PSD3: variants seen among roughly 807,000 people sequenced by gnomAD.
PSD3 encodes PH and SEC7 domain-containing protein 3.
In PSD3, 49 loss-of-function variants were observed where a neutral mutation model predicts 105.5. That is an observed-to-expected ratio of 0.46 (90% CI 0.37 to 0.59). The LOEUF (loss-of-function observed/expected upper bound fraction) is 0.59. PSD3 is among the 20% of genes least tolerant of loss of function. The pLI, the probability that PSD3 is intolerant of heterozygous loss-of-function variation, is 0.00. For synonymous variants in PSD3, 557 were observed against 457.8 expected, an observed-to-expected ratio of 1.22 and a Z score of -2.77; for missense variants, 1,561 against 1,263.8, an observed-to-expected ratio of 1.24 and a Z score of -3.57.
chr8:18,985,225 C>T (rs895801869), intron 1 of PSD3, among the ~76,000 whole-genome samples: 2 of 152,166 alleles, frequency 1.3e-5, no homozygotes, highest in African/African-American at 2.4e-5. Flanking sequence ...TGAGTCACCG[C>T]GCCCGGTCAT....
intron 9 of PSD3, among the ~76,000 whole-genome samples, chr8:18,722,048 T>A (rs896349886): frequency 6.6e-6 from 1 of 152,034 alleles, no homozygotes; most frequent in African/African-American, 2.4e-5. Context: ...ACATACAGAC[T>A]ATGATTGTTG....
intron 9 of PSD3, among the ~76,000 whole-genome samples, chr8:18,688,176 T>G (rs1800769895): frequency 6.6e-6 from 1 of 152,168 alleles, no homozygotes; most frequent in South Asian, 2.1e-4. Context: ...GCAAAGATCC[T>G]GGACTCAAGT....
intron 2 of PSD3, among the ~76,000 whole-genome samples, chr8:18,901,996 T>C (rs1819532357): frequency 6.6e-6 from 1 of 152,158 alleles, no homozygotes; most frequent in South Asian, 2.1e-4. Context: ...TTGACATAAA[T>C]GTGCCTCAGG....
Position 18,728,063 on chromosome 8 carries a change from G to GA in PSD3, c.2172+37385dup, listed in dbSNP as rs371653321. Reference sequence around the variant, plus strand: ...TGAATGAATGATTTTATGAAAAACAGAAAAAAAAAAGCGGAGAAAGGGAAG... The same window carrying GA: ...TGAATGAATGATTTTATGAAAAACAGAAAAAAAAAAAGCGGAGAAAGGGAAG... On this transcript the variant is annotated intron_variant, in intron 9 of 15. Coordinates refer to ENST00000327040, the MANE Select transcript of PSD3 (RefSeq NM_015310.4). Among the ~76,000 whole-genome samples the GA allele has an allele frequency of 5.6e-3, 815 of 145,330 alleles. 5 individuals are homozygous for GA. Among genetic ancestry groups the GA allele is most frequent in the South Asian group, 0.014 (63 of 4,572 alleles).
At chr8:18,738,911 T>C (rs528835159) in intron 9 of PSD3, among the ~76,000 whole-genome samples, 12 of 151,170 alleles carry the variant, frequency 7.9e-5, no homozygotes, top group Admixed American at 6.6e-4. Context: ...ATTTTTTTTG[T>C]TCTGAAATGT....
rs750658038 is a variant in PSD3, at chr8:18,632,694, T to C, written c.2329A>G (p.Ile777Val). ...IGSTTNPFLD[I>V]PHDPNAAVYK... ...ACAGCAGCATTTGGATCATGAGGAA[T>C]GTCCAAAAATGGGTTAGTAGTACTT... The change falls in exon 11 of 16, where the codon ATT (isoleucine) becomes GTT (valine). Residue 777 changes from isoleucine (I) to valine (V), a missense_variant. Coordinates refer to ENST00000327040, the MANE Select transcript of PSD3 (RefSeq NM_015310.4). 4 of 1,612,736 alleles carry C rather than the reference T, an allele frequency of 2.5e-6. No homozygotes were observed. The Admixed American group carries it at 5.0e-5, about 20-fold the overall frequency.
intron 1 of PSD3, among the ~76,000 whole-genome samples, chr8:19,040,747 A>G (rs1322124676): frequency 6.6e-6 from 1 of 152,202 alleles, no homozygotes; most frequent in Non-Finnish European, 1.5e-5. Context: ...AGCTTACTGA[A>G]TAAGCTAACT....
intron 1 of PSD3, among the ~76,000 whole-genome samples, chr8:18,946,446 T>C (rs1822859740): frequency 6.6e-6 from 1 of 151,618 alleles, no homozygotes; most frequent in South Asian, 2.1e-4. Flanking sequence ...CCAGGCAGAG[T>C]GTCATGCACC....
intron 9 of PSD3, among the ~76,000 whole-genome samples, chr8:18,722,873 T>C (rs1021029175): frequency 7.0e-6 from 1 of 143,608 alleles, no homozygotes; most frequent in African/African-American, 2.5e-5. Flanking sequence ...TTTTCTGAAC[T>C]ATTTCAGCAC....
chr8:18,621,321 T>A (rs867366297), intron 11 of PSD3, among the ~76,000 whole-genome samples: 57 of 152,048 alleles, frequency 3.7e-4, no homozygotes, highest in Non-Finnish European at 7.8e-4. Context: ...AGTAGGAGAA[T>A]TGCTTGAACC....
intron 12 of PSD3, among the ~76,000 whole-genome samples, chr8:18,580,364 C>A (rs909773221): frequency 6.6e-6 from 1 of 152,062 alleles, no homozygotes; most frequent in Non-Finnish European, 1.5e-5. Context: ...TGTGCCTGAA[C>A]CAAGCCCTCC....
chr8:18,796,270 C>G (rs1462115997), intron 8 of PSD3, among the ~76,000 whole-genome samples: 1 of 152,044 alleles, frequency 6.6e-6, no homozygotes, highest in Non-Finnish European at 1.5e-5. Flanking sequence ...CAGTGTTTTC[C>G]CATCATAGCA....
At chr8:18,716,869 C>T (rs1802631707) in intron 9 of PSD3, among the ~76,000 whole-genome samples, 1 of 152,190 alleles carries the variant, frequency 6.6e-6, no homozygotes, top group Non-Finnish European at 1.5e-5. Context: ...ATAACTCCCT[C>T]ACGGATACAG....
chr8:18,683,739 A>G, intron 9 of PSD3: 1 of 758,518 alleles, frequency 1.3e-6, no homozygotes, highest in Admixed American at 1.7e-5. Context: ...CCTGCCACAC[A>G]GCTGTCAATA....
chr8:18,573,445 A>G (rs1220635405), intron 13 of PSD3, among the ~76,000 whole-genome samples: 3 of 152,172 alleles, frequency 2.0e-5, no homozygotes, highest in Non-Finnish European at 4.4e-5. Context: ...ACTCCAGGCT[A>G]GGGTGGCAAA....
At position 18,852,919 on chromosome 8, in the gene PSD3, C is replaced by T. The variant is rs562461539; in HGVS notation, c.1634+14755G>A. On this transcript the variant is annotated intron_variant, in intron 4 of 15. Transcript: ENST00000327040. ...ACTACACACTAGTTAATCCTCACAG[C>T]CACCACCCCTCATGTTAGATACTAT... Among the ~76,000 whole-genome samples the T allele has an allele frequency of 7.9e-5, 12 of 152,268 alleles. No homozygotes were observed. The South Asian group carries it at 2.1e-3, about 26-fold the overall frequency.
chr8:18,804,757 A>G lies in PSD3; in HGVS notation c.1776T>C (p.Leu592=), dbSNP rs943315284. The change falls in exon 5 of 16, where the codon CTT becomes CTC. Residue 592 remains leucine, a synonymous_variant. Coordinates refer to ENST00000327040, the MANE Select transcript of PSD3 (RefSeq NM_015310.4). ...VEAAKRLAKR[L]YQLDRFKRSD... ...ATCTTTTGAATCTGTCCAGCTGATA[A>G]AGGCGTTTGGCCAACCTTTTGGCTG... is the stretch of plus-strand genomic sequence containing the variant. The G allele has an allele frequency of 6.2e-7, 1 of 1,614,040 alleles. No individual in the cohort carries two copies. Among genetic ancestry groups the G allele is most frequent in the African/African-American group, 1.3e-5 (1 of 74,934 alleles).
chr8:18,852,953 C>T (rs940393151), intron 4 of PSD3, among the ~76,000 whole-genome samples: 1 of 152,106 alleles, frequency 6.6e-6, no homozygotes, highest in Non-Finnish European at 1.5e-5. Flanking sequence ...ATTATCATTC[C>T]TATTTCATAC....
At chr8:18,671,874 G>C (rs1302282161) in intron 9 of PSD3, among the ~76,000 whole-genome samples, 1 of 152,002 alleles carries the variant, frequency 6.6e-6, no homozygotes, top group Non-Finnish European at 1.5e-5. Context: ...CTTGTTATCC[G>C]CCCGCCTTGG....
Sources: gnomAD v4.1 joint callset for allele counts (sites outside exome capture counted in the v4.1 genomes callset) on GRCh38, gnomAD v4.1.1 for gene constraint, MANE v1.5 for transcripts, NCBI Gene and HGNC (gene_info 2026-07-23, HGNC 2026-07-21) for gene names.